Variants in NOD1 observed in about 807,000 individuals in gnomAD.
NOD1 encodes the protein nucleotide-binding oligomerization domain-containing protein 1.
In NOD1, 70 loss-of-function variants were observed where a neutral mutation model predicts 81.2. The ratio of observed to expected loss-of-function variants is 0.86; its 90% CI spans 0.71 to 1.05. The LOEUF (loss-of-function observed/expected upper bound fraction) is 1.05, where lower values mean the gene tolerates loss of function less well. NOD1 is among the 50% of genes least tolerant of loss of function. The pLI, the probability that NOD1 is intolerant of heterozygous loss-of-function variation, is 0.00. For synonymous variants in NOD1, 508 were observed against 526.9 expected, an observed-to-expected ratio of 0.96 and a Z score of 0.49; for missense variants, 1,233 against 1,228.0, an observed-to-expected ratio of 1.00 and a Z score of -0.06.
At chr7:30,433,932 A>G (rs1264963701) in intron 11 of NOD1, among the ~76,000 whole-genome samples, 1 of 152,258 alleles carries the variant, frequency 6.6e-6, no homozygotes, top group Non-Finnish European at 1.5e-5. Context: ...TATACACACA[A>G]AGCTTTATAC....
intron 1 of NOD1, chr7:30,469,286 C>T: frequency 1.0e-6 from 1 of 959,944 alleles, no homozygotes; most frequent in Non-Finnish European, 1.2e-6. Flanking sequence ...TTTTTAACTC[C>T]ATTGACACTC....
At chr7:30,446,433 G>T in intron 8 of NOD1, 1 of 575,522 alleles carries the variant, frequency 1.7e-6, no homozygotes. Flanking sequence ...TCCAGGAGAT[G>T]GTCCACAGTC....
intron 4 of NOD1, among the ~76,000 whole-genome samples, chr7:30,455,790 C>T (rs369869601): frequency 3.9e-5 from 6 of 152,204 alleles, no homozygotes; most frequent in South Asian, 2.1e-4. Flanking sequence ...TTATTAGAGA[C>T]GGGTTTTCCC....
chr7:30,452,451 C>T lies in NOD1; in HGVS notation c.966G>A (p.Leu322=), dbSNP rs529428454. Residue 322 remains leucine (L), a synonymous_variant, in exon 6 of 14, where the codon CTG becomes CTA. Coordinates refer to ENST00000222823, the MANE Select transcript of NOD1 (RefSeq NM_006092.4). ...TGAGCAGCTTGCTAGCCCCCTTGAG[C>T]AGCTTCCCACTGAGCAGGTTGGCCA... is the stretch of plus-strand genomic sequence containing the variant. ...VLLANLLSGK[L]LKGASKLLTA... 313 of 1,613,318 alleles carry T rather than the reference C, an allele frequency of 1.9e-4. 6 individuals carry two copies. The South Asian group carries it at 3.4e-3, about 17-fold the overall frequency.
At chr7:30,473,170 C>T (rs1788441408) in intron 1 of NOD1, among the ~76,000 whole-genome samples, 1 of 152,210 alleles carries the variant, frequency 6.6e-6, no homozygotes, top group Non-Finnish European at 1.5e-5. Context: ...ACACCTCACT[C>T]AACTGAGAAT....
intron 1 of NOD1, among the ~76,000 whole-genome samples, chr7:30,477,154 C>A (rs933965824): frequency 3.3e-5 from 5 of 152,186 alleles, no homozygotes; most frequent in Non-Finnish European, 5.9e-5. Flanking sequence ...TGATGGGTTC[C>A]AAAGCGTGAA....
chr7:30,457,187 C>G, intron 3 of NOD1, 145 bp from the exon 4 acceptor site: 1 of 481,326 alleles, frequency 2.1e-6, no homozygotes, highest in South Asian at 2.2e-5. Flanking sequence ...TGGCTCATGA[C>G]TGTAATCCCA....
At chr7:30,474,421 C>G (rs563087060) in intron 1 of NOD1, among the ~76,000 whole-genome samples, 1 of 152,210 alleles carries the variant, frequency 6.6e-6, no homozygotes, top group Non-Finnish European at 1.5e-5. Flanking sequence ...GATCCCCAAC[C>G]TTTTTGGCAC....
At position 30,429,387 on chromosome 7, in the gene NOD1, T is replaced by G. The variant is rs776850723; in HGVS notation, c.2776A>C (p.Ile926Leu). 6.2e-7 allele frequency: 1 copy of G among 1,613,910 alleles called. No homozygotes were observed. The highest frequency in any genetic ancestry group is 8.5e-7 in the Non-Finnish European group (1 of 1,179,722). ...LADALQSNTG[I>L]TEICLNGNLI... is the part of the protein sequence containing the mutation. Reference sequence around the variant, plus strand: ...CTGGGATCTTACCAAATCTCTGTTATGCCAGTGTTGCTCTGTAACGCATCT... The same window carrying G: ...CTGGGATCTTACCAAATCTCTGTTAGGCCAGTGTTGCTCTGTAACGCATCT... The change falls in exon 13 of 14, where the codon ATA (isoleucine) becomes CTA (leucine). Residue 926 changes from isoleucine (I) to leucine (L), a missense_variant. Transcript: ENST00000222823.
Position 30,459,152 on chromosome 7 carries a change from C to CTTTTTAAGT in NOD1, c.-131_-123dup, listed in dbSNP as rs1302688441. On this transcript the variant is annotated splice_region_variant and 5_prime_UTR_variant, in exon 3 of 14. Transcript: ENST00000222823. The stretch of plus-strand genomic sequence containing the variant: ...AATTTAAATTAGCAGTTAATAATAC[C>CTTTTTAAGT]TTTTTAAGTTTCTGGCATCATTCTT... The CTTTTTAAGT allele has an allele frequency of 6.6e-6, 1 of 152,480 alleles. No homozygotes were observed. The highest frequency in any genetic ancestry group is 1.5e-5 in the Non-Finnish European group (1 of 68,014). 9.4% of individuals were successfully genotyped at this position (152,480 alleles called of 1,614,324 possible). A position where few individuals can be genotyped will look rare whatever the true frequency, so the allele number is the denominator to read the frequency against.
At position 30,449,977 on chromosome 7, in the gene NOD1, G is replaced by A. The variant is rs571352272; in HGVS notation, c.2201+1239C>T. On this transcript the variant is annotated intron_variant, in intron 6 of 13. Transcript: ENST00000222823. ...GAAGGCCGAGGCGGGCGGATCACCT[G>A]AGGTCAGGATTTCAAGACCAGCCTG... 2.6e-4 allele frequency among the ~76,000 whole-genome samples: 40 copies of A among 152,306 alleles called. 1 individual carries two copies. Among genetic ancestry groups the A allele is most frequent in the African/African-American group, 7.9e-4 (33 of 41,560 alleles).
rs1303244317 is a variant in NOD1 at position 30,452,203 on chromosome 7, CG to C, written c.1213del (p.Arg405ValfsTer15). 1.2e-6 allele frequency: 2 copies of C among 1,613,894 alleles called. No homozygotes were observed. The highest frequency in any genetic ancestry group is 1.7e-6 in the Non-Finnish European group (2 of 1,180,022). On this transcript the variant is annotated frameshift_variant, in exon 6 of 14. Transcript: ENST00000222823. LOFTEE classifies it high-confidence loss of function. ...WIIFRCFQHF[R>X]AAFEGSPQLP... ...CTGTGGTGAGCCTTCAAAGGCAGCA[CG>C]GAAGTGCTGGAAGCACCGGAAGATG...
At chr7:30,466,106 T>C (rs911920106) in intron 1 of NOD1, among the ~76,000 whole-genome samples, 15 of 152,342 alleles carry the variant, frequency 9.8e-5, no homozygotes, top group Non-Finnish European at 1.8e-4. Flanking sequence ...ACAGAAAGGA[T>C]TGGCTTCTAG....
chr7:30,472,327 T>C (rs1788359144), intron 1 of NOD1, among the ~76,000 whole-genome samples: 1 of 152,188 alleles, frequency 6.6e-6, no homozygotes, highest in Non-Finnish European at 1.5e-5. Flanking sequence ...CTCTGGGTCT[T>C]TGAACCCACT....
rs1783386680 is a variant in NOD1, at chr7:30,425,721, G to A, written c.2790-11C>T. On this transcript the variant is annotated splice_polypyrimidine_tract_variant and intron_variant, in intron 13 of 13. Transcript: ENST00000222823. ...AGGTTTCCATTTAGGCTGTTGAAAA[G>A]GAGGAAGACAAAAGTACACAGGTAA... 8 of 1,603,486 alleles carry A rather than the reference G, an allele frequency of 5.0e-6. No individual in the cohort carries two copies. The highest frequency in any genetic ancestry group is 2.7e-5 in the African/African-American group (2 of 74,738).
At chr7:30,427,364 C>T (rs1396285739) in intron 13 of NOD1, among the ~76,000 whole-genome samples, 1 of 152,192 alleles carries the variant, frequency 6.6e-6, no homozygotes, top group African/African-American at 2.4e-5. Context: ...AGTGTCAGTA[C>T]AGTTAACAAG....
At chr7:30,446,119 A>C (rs767173157) in intron 9 of NOD1, 22 bp downstream of exon 9, 7 of 1,587,436 alleles carry the variant, frequency 4.4e-6, no homozygotes, top group Non-Finnish European at 6.1e-6. Context: ...TGTACCACAT[A>C]CATCCATCCC....
rs117074688 is a variant in NOD1 at position 30,429,487 on chromosome 7, C to T, written c.2706-30G>A. ...AAGAAGAACATAACTTGTATAAAAT[C>T]CATAATACTGGATCAAATTTGACCC... On this transcript the variant is annotated intron_variant, in intron 12 of 13. Transcript: ENST00000222823. 78 of 1,592,130 alleles carry T rather than the reference C, an allele frequency of 4.9e-5. No individual in the cohort carries two copies. The East Asian group carries it at 1.7e-3, about 34-fold the overall frequency.
At chr7:30,439,381 G>A (rs1307129100) in intron 9 of NOD1, among the ~76,000 whole-genome samples, 1 of 138,352 alleles carries the variant, frequency 7.2e-6, no homozygotes, top group Non-Finnish European at 1.5e-5. Context: ...GACAGTGGGC[G>A]CAGGCCAGTG....
Sources: gnomAD v4.1 joint callset for allele counts (sites outside exome capture counted in the v4.1 genomes callset) on GRCh38, gnomAD v4.1.1 for gene constraint, MANE v1.5 for transcripts, NCBI Gene and HGNC (gene_info 2026-07-23, HGNC 2026-07-21) for gene names.